Variants in GPR39 observed in about 807,000 individuals in gnomAD.
GPR39 encodes G protein-coupled receptor 39.
GPR39 carries 23 observed loss-of-function variants against 18.4 expected under a neutral mutation model. The observed-to-expected ratio is 1.25, with a 90% CI of 0.90 to 1.77. The LOEUF is 1.77. GPR39 is among the 40% of genes most tolerant of loss of function. The probability of loss-of-function intolerance (pLI) is 0.00; values close to 1 mark genes in which losing one functional copy is unlikely to be tolerated. For missense variants in GPR39, 647 were observed against 602.4 expected (o/e 1.07, Z -0.78); for synonymous variants, 280 against 257.9 (o/e 1.09, Z -0.82).
At chr2:132,436,088 C>T (rs902009592) in intron 1 of GPR39, among the ~76,000 whole-genome samples, 5 of 152,174 alleles carry the variant, frequency 3.3e-5, no homozygotes, top group Non-Finnish European at 5.9e-5. Context: ...TGAGGCCCCC[C>T]GAGTCCCTAA....
intron 1 of GPR39, among the ~76,000 whole-genome samples, chr2:132,562,895 G>C (rs1349922440): frequency 1.3e-5 from 2 of 151,904 alleles, no homozygotes; most frequent in Non-Finnish European, 2.9e-5. Context: ...TAAGTCTAAA[G>C]TACCATATAT....
At chr2:132,558,377 A>G (rs1161308094) in intron 1 of GPR39, among the ~76,000 whole-genome samples, 1 of 152,080 alleles carries the variant, frequency 6.6e-6, no homozygotes, top group Non-Finnish European at 1.5e-5. Context: ...AAGGAATCCC[A>G]CACACCTCAT....
intron 1 of GPR39, among the ~76,000 whole-genome samples, chr2:132,440,379 G>A (rs370308970): frequency 1.3e-5 from 2 of 152,156 alleles, no homozygotes; most frequent in South Asian, 2.1e-4. Flanking sequence ...ATGAGAACAC[G>A]AACCCTGGAG....
At chr2:132,418,092 G>T (rs1449042556) in intron 1 of GPR39, among the ~76,000 whole-genome samples, 194 bp downstream of exon 1, 1 of 152,142 alleles carries the variant, frequency 6.6e-6, no homozygotes, top group Non-Finnish European at 1.5e-5. Context: ...TGTGTTTCGG[G>T]GATTCATGGT....
intron 1 of GPR39, among the ~76,000 whole-genome samples, chr2:132,553,444 A>G (rs1259953401): frequency 4.6e-5 from 7 of 151,716 alleles, no homozygotes; most frequent in Non-Finnish European, 7.4e-5. Flanking sequence ...ATATATATAT[A>G]CCATTAGATG....
At chr2:132,569,244 C>G (rs1038816407) in intron 1 of GPR39, among the ~76,000 whole-genome samples, 1 of 152,086 alleles carries the variant, frequency 6.6e-6, no homozygotes, top group Non-Finnish European at 1.5e-5. Context: ...AGGACTAGTA[C>G]TCTAACAGTT....
intron 1 of GPR39, among the ~76,000 whole-genome samples, chr2:132,637,762 G>T (rs909228874): frequency 6.6e-6 from 1 of 152,206 alleles, no homozygotes; most frequent in Admixed American, 6.5e-5. Context: ...ATGGTCAACT[G>T]CATCCCATCC....
rs143419831 is a variant in GPR39 at position 132,476,135 on chromosome 2, A to G, written c.856+58237A>G. On this transcript the variant is annotated intron_variant, in intron 1 of 1. Transcript: ENST00000329321. ...GCCAACACCTTACCTTTCCACATTC[A>G]TGGATACTGAAGGAAGACAAAGTCC... is the stretch of plus-strand genomic sequence containing the variant. Among the ~76,000 whole-genome samples the G allele has an allele frequency of 3.3e-3, 497 of 152,124 alleles. 1 individual carries two copies. Among genetic ancestry groups the G allele is most frequent in the African/African-American group, 0.011 (458 of 41,510 alleles).
At chr2:132,548,051 G>C (rs3115024) in intron 1 of GPR39, among the ~76,000 whole-genome samples, 60,052 of 151,844 alleles carry the variant, frequency 0.4, 12,818 homozygotes, top group African/African-American at 0.56. Flanking sequence ...CCCCGCTTAC[G>C]CCCCTTCCCA....
At chr2:132,613,517 C>A (rs1001351389) in intron 1 of GPR39, among the ~76,000 whole-genome samples, 2 of 152,186 alleles carry the variant, frequency 1.3e-5, no homozygotes, top group Admixed American at 6.5e-5. Flanking sequence ...GGTGATTAAG[C>A]ACAGCCCTTA....
At chr2:132,428,759 C>T in intron 1 of GPR39, among the ~76,000 whole-genome samples, 1 of 152,212 alleles carries the variant, frequency 6.6e-6, no homozygotes, top group East Asian at 1.9e-4. Flanking sequence ...AAGGACTAAA[C>T]TCACTAGTTG....
Position 132,602,398 on chromosome 2 carries a change from A to G in GPR39, c.857-42703A>G, listed in dbSNP as rs1337734703. Among the ~76,000 whole-genome samples the G allele has an allele frequency of 2.0e-5, 3 of 152,166 alleles. No individual in the cohort carries two copies. In the East Asian group the frequency reaches 5.8e-4, roughly 29 times the overall value. The stretch of plus-strand genomic sequence containing the variant: ...TACAAAAATTAATTCAAAATTGGAT[A>G]AAGATTTAAATAAATGCAAGACCTG... On this transcript the variant is annotated intron_variant, in intron 1 of 1. Coordinates refer to ENST00000329321, the MANE Select transcript of GPR39 (RefSeq NM_001508.3).
intron 1 of GPR39, among the ~76,000 whole-genome samples, chr2:132,566,631 A>G (rs1231612855): frequency 2.0e-5 from 3 of 152,218 alleles, no homozygotes; most frequent in African/African-American, 7.2e-5. Context: ...CGGGTGGCAC[A>G]GATGCAAGAG....
intron 1 of GPR39, among the ~76,000 whole-genome samples, chr2:132,562,239 G>A (rs913600258): frequency 1.3e-5 from 2 of 151,954 alleles, no homozygotes; most frequent in African/African-American, 4.8e-5. Flanking sequence ...CCCTCAGACT[G>A]ATTCTTCACA....
At position 132,605,136 on chromosome 2, in the gene GPR39, A is replaced by G. The variant is rs151333437; in HGVS notation, c.857-39965A>G. Among the ~76,000 whole-genome samples, 739 of 152,324 alleles carry G rather than the reference A, an allele frequency of 4.9e-3. 7 individuals carry two copies. The highest frequency in any genetic ancestry group is 0.016 in the African/African-American group (681 of 41,560). ...ATAAGATAAATGGTAGAGCTGGGAC[A>G]TGACCTCAGACAGCCCGACACCAGA... On this transcript the variant is annotated intron_variant, in intron 1 of 1. Transcript: ENST00000329321.
intron 1 of GPR39, among the ~76,000 whole-genome samples, chr2:132,447,382 C>T (rs1045961015): frequency 2.0e-5 from 3 of 152,160 alleles, no homozygotes; most frequent in Admixed American, 6.5e-5. Flanking sequence ...TTATCAGGGG[C>T]GCTTTGTTGC....
chr2:132,528,655 T>G (rs1294138059), intron 1 of GPR39, among the ~76,000 whole-genome samples: 1 of 152,186 alleles, frequency 6.6e-6, no homozygotes, highest in Admixed American at 6.5e-5. Flanking sequence ...TTCATATTCC[T>G]TATAGGCTGT....
chr2:132,529,222 G>A (rs112735731), intron 1 of GPR39, among the ~76,000 whole-genome samples: 69 of 152,324 alleles, frequency 4.5e-4, no homozygotes, highest in African/African-American at 1.4e-3. Flanking sequence ...CACCTGGCTC[G>A]GAGGGTCCTA....
At chr2:132,520,327 G>T (rs1679399259) in intron 1 of GPR39, among the ~76,000 whole-genome samples, 2 of 152,198 alleles carry the variant, frequency 1.3e-5, no homozygotes, top group African/African-American at 4.8e-5. Context: ...GTAACCATCT[G>T]CCATCTGCAT....
Sources: allele counts gnomAD v4.1 joint callset (sites outside exome capture counted in the v4.1 genomes callset), GRCh38; gene constraint gnomAD v4.1.1; transcripts MANE v1.5; gene names NCBI Gene and HGNC (gene_info 2026-07-23, HGNC 2026-07-21).